Variants in AGAP3 observed in about 807,000 individuals in gnomAD.
AGAP3 encodes ArfGAP with GTPase domain, ankyrin repeat and PH domain 3.
In AGAP3, 24 loss-of-function variants were observed where a neutral mutation model predicts 96.9. The ratio of observed to expected loss-of-function variants is 0.25; its 90% CI spans 0.18 to 0.35. The LOEUF (loss-of-function observed/expected upper bound fraction) is 0.35. Among genes scored for constraint, AGAP3 ranks in the 10% least tolerant of loss-of-function variants. The pLI is 1.00. For synonymous variants in AGAP3, 563 were observed against 536.1 expected (o/e 1.05, Z -0.69); for missense variants, 876 against 1,254.2 (o/e 0.70, Z 4.55).
rs115514003 is a variant in AGAP3 at position 151,087,428 on chromosome 7, G to A, written c.331+356G>A. Among the ~76,000 whole-genome samples, 1,440 of 152,260 alleles carry A rather than the reference G, an allele frequency of 9.5e-3. 23 individuals carry two copies. The highest frequency in any genetic ancestry group is 0.033 in the African/African-American group (1,386 of 41,556). On this transcript the variant is annotated intron_variant, in intron 1 of 17. Coordinates refer to ENST00000397238, the MANE Select transcript of AGAP3 (RefSeq NM_031946.7). The stretch of plus-strand genomic sequence containing the variant: ...TCGTGACCGGGGAGGCTTCTTAGCC[G>A]CTGCCCGGGCCCTGCTCCGCAGTGG...
At chr7:151,087,574 G>A (rs1169506561) in intron 1 of AGAP3, among the ~76,000 whole-genome samples, 1 of 152,104 alleles carries the variant, frequency 6.6e-6, no homozygotes, top group Non-Finnish European at 1.5e-5. Flanking sequence ...ACGCCGCGGC[G>A]GCCAAGCGGG....
intron 1 of AGAP3, chr7:151,115,209 C>G: frequency 2.0e-6 from 2 of 1,001,650 alleles, no homozygotes; most frequent in Non-Finnish European, 2.4e-6. Context: ...GGGCGCGGGT[C>G]TGGGGCGCGC....
At chr7:151,102,667 G>C (rs1798881534) in intron 1 of AGAP3, among the ~76,000 whole-genome samples, 1 of 151,828 alleles carries the variant, frequency 6.6e-6, no homozygotes. Context: ...CTGGAGCGCA[G>C]TGTCATGGTG....
chr7:151,087,464 C>A (rs1798207474), intron 1 of AGAP3, among the ~76,000 whole-genome samples: 1 of 152,144 alleles, frequency 6.6e-6, no homozygotes, highest in Non-Finnish European at 1.5e-5. Context: ...GGCGGGGGAT[C>A]GGAGCCTCGC....
chr7:151,128,777 A>G (rs1800285931), intron 10 of AGAP3, 93 bp downstream of exon 10: 10 of 1,095,142 alleles, frequency 9.1e-6, no homozygotes, highest in Non-Finnish European at 9.5e-6. Context: ...TCCAGGATGG[A>G]CGGGAAGCAG....
chr7:151,137,538 GCT>G (rs1584785898), intron 11 of AGAP3, among the ~76,000 whole-genome samples: 1 of 152,262 alleles, frequency 6.6e-6, no homozygotes, highest in South Asian at 2.1e-4. Flanking sequence ...ATTGTGCGGC[GCT>G]CTGTCCTCCC....
chr7:151,102,630 A>G (rs1469900855), intron 1 of AGAP3, among the ~76,000 whole-genome samples: 5 of 149,420 alleles, frequency 3.3e-5, no homozygotes, highest in African/African-American at 1.2e-4. Context: ...TTTTTTTTTG[A>G]GACAGGGTCT....
At chr7:151,089,212 C>T (rs1350057539) in intron 1 of AGAP3, among the ~76,000 whole-genome samples, 2 of 152,206 alleles carry the variant, frequency 1.3e-5, no homozygotes, top group Admixed American at 1.3e-4. Flanking sequence ...ATCCTTCCTG[C>T]GATAGAACTC....
intron 8 of AGAP3, among the ~76,000 whole-genome samples, chr7:151,121,718 C>T (rs1258999509): frequency 2.0e-5 from 3 of 152,166 alleles, no homozygotes; most frequent in Non-Finnish European, 4.4e-5. Context: ...TCTCTCCATC[C>T]TCACAGCGGC....
chr7:151,118,115 C>A lies in AGAP3; in HGVS notation c.707-95C>A. The A allele has an allele frequency of 6.7e-7, 1 of 1,484,096 alleles. No individual in the cohort carries two copies. The highest frequency in any genetic ancestry group is 9.1e-7 in the Non-Finnish European group (1 of 1,095,422). The allele number at this position is 1,484,096 out of a possible 1,614,324, so 91.9% of individuals were successfully genotyped here. A position where few individuals can be genotyped will look rare whatever the true frequency, so the allele number is the denominator to read the frequency against. Reference sequence around the variant, plus strand: ...TGCTCTGTGTGTTCCACTCACCAGGCCCTTTGCACACCTGCCCTTGGGCCA... The same window carrying A: ...TGCTCTGTGTGTTCCACTCACCAGGACCTTTGCACACCTGCCCTTGGGCCA... On this transcript the variant is annotated intron_variant, in intron 5 of 17. Coordinates refer to ENST00000397238, the MANE Select transcript of AGAP3 (RefSeq NM_031946.7). This position sits in a 1 kb window ranked among gnomAD's most constrained non-coding sequence, Gnocchi z 6.1.
At chr7:151,110,382 A>G (rs906584851) in intron 1 of AGAP3, among the ~76,000 whole-genome samples, 3 of 152,226 alleles carry the variant, frequency 2.0e-5, no homozygotes, top group Non-Finnish European at 4.4e-5. Context: ...TGCTTCAGCC[A>G]CGGTCCAAAT....
At position 151,142,810 on chromosome 7, in the gene AGAP3, G is replaced by A. The variant is rs979320790; in HGVS notation, c.2273+176G>A. 2.0e-5 allele frequency among the ~76,000 whole-genome samples: 3 copies of A among 152,238 alleles called. No homozygotes were observed. The highest frequency in any genetic ancestry group is 2.1e-4 in the South Asian group (1 of 4,836). On this transcript the variant is annotated intron_variant, in intron 16 of 17. Coordinates refer to ENST00000397238, the MANE Select transcript of AGAP3 (RefSeq NM_031946.7). The surrounding 1 kb of genome is among the most constrained non-coding windows in gnomAD (Gnocchi z 7.5). ...CTGCTCTGGTGCCTGTCACTCAGGC[G>A]CCTCACAACAACGGGCCCTTTCTGA...
rs1584791097 is a variant in AGAP3 at position 151,140,341 on chromosome 7, T to G, written c.1804+225T>G. Reference sequence around the variant, plus strand: ...AACCCTTTCTGTTGAAATGTGGGCTTACTTCATTTATTCTTAAGGTAAAAG... The same window carrying G: ...AACCCTTTCTGTTGAAATGTGGGCTGACTTCATTTATTCTTAAGGTAAAAG... On this transcript the variant is annotated intron_variant, in intron 13 of 17. Transcript: ENST00000397238. The surrounding 1 kb of genome is among the most constrained non-coding windows in gnomAD (Gnocchi z 5.4). 1.9e-5 allele frequency: 8 copies of G among 417,372 alleles called. No individual in the cohort carries two copies. In the East Asian group the frequency reaches 3.5e-4, roughly 18 times the overall value. The allele number at this position is 417,372 out of a possible 1,614,324, so 25.9% of individuals were successfully genotyped here.
At chr7:151,099,339 T>C (rs28667841) in intron 1 of AGAP3, among the ~76,000 whole-genome samples, 39,213 of 110,622 alleles carry the variant, frequency 0.35, 5,713 homozygotes, top group East Asian at 0.57. Flanking sequence ...TGAGACTCCA[T>C]CTCAAAAAAA....
At chr7:151,109,720 G>T (rs951852494) in intron 1 of AGAP3, among the ~76,000 whole-genome samples, 2 of 152,196 alleles carry the variant, frequency 1.3e-5, no homozygotes, top group African/African-American at 4.8e-5. Context: ...CTCTTAGAGG[G>T]GAGATGGAGG....
At chr7:151,101,080 C>T (rs953986303) in intron 1 of AGAP3, among the ~76,000 whole-genome samples, 4 of 152,220 alleles carry the variant, frequency 2.6e-5, no homozygotes, top group Non-Finnish European at 5.9e-5. Flanking sequence ...CTGGCGTCCG[C>T]ATCACTCACC....
intron 1 of AGAP3, among the ~76,000 whole-genome samples, chr7:151,109,176 A>AC (rs1162673522): frequency 3.8e-4 from 56 of 148,316 alleles, no homozygotes; most frequent in East Asian, 9.7e-4. Context: ...AAAAAAAAAA[A>AC]AAAACAAAAA....
At position 151,140,036 on chromosome 7, in the gene AGAP3, C is replaced by A; in HGVS notation, c.1724C>A (p.Pro575His). 1 of 1,606,376 alleles carries A rather than the reference C, an allele frequency of 6.2e-7. No homozygotes were observed. Among genetic ancestry groups the A allele is most frequent in the East Asian group, 2.3e-5 (1 of 44,092 alleles). Residue 575 changes from proline to histidine, a missense_variant, in exon 13 of 18, where the codon CCC becomes CAC. Transcript: ENST00000397238. This position sits in a 1 kb window ranked among gnomAD's most constrained non-coding sequence, Gnocchi z 5.4. ...CCCAAGCTGGATCCTCCCCCATCTC[C>A]CCACTCCAACCGGAAGAAGCACCGG... ...SSPKLDPPPS[P>H]HSNRKKHRRK...
rs997387544 is a variant in AGAP3, at chr7:151,108,042, C to T, written c.332-8751C>T. Among the ~76,000 whole-genome samples, 2 of 152,226 alleles carry T rather than the reference C, an allele frequency of 1.3e-5. No homozygotes were observed. The highest frequency in any genetic ancestry group is 2.9e-5 in the Non-Finnish European group (2 of 68,036). ...TGCAGCACATGCTGGTCGCGTTCCT[C>T]TCCAGGGAGGAGCTGCTAGAAAGCA... On this transcript the variant is annotated intron_variant, in intron 1 of 17. Transcript: ENST00000397238. This position sits in a 1 kb window ranked among gnomAD's most constrained non-coding sequence, Gnocchi z 4.2.
Sources: allele counts gnomAD v4.1 joint callset (sites outside exome capture counted in the v4.1 genomes callset), GRCh38; gene constraint gnomAD v4.1.1; non-coding constraint Gnocchi (gnomAD v3.1); transcripts MANE v1.5; gene names NCBI Gene and HGNC (gene_info 2026-07-23, HGNC 2026-07-21).